The following STAR variants were observed in gnomAD, a reference collection of about 807,000 sequenced individuals.
STAR encodes steroidogenic acute regulatory protein.
STAR carries 32 observed loss-of-function variants against 32.3 expected under a neutral mutation model. The observed-to-expected ratio is 0.99, with a 90% CI of 0.75 to 1.33. STAR has a LOEUF of 1.33. STAR is among the 40% of genes most tolerant of loss of function. STAR has a pLI of 0.00. For synonymous variants in STAR, 134 were observed against 140.5 expected, an observed-to-expected ratio of 0.95 and a Z score of 0.33; for missense variants, 375 against 379.0, an observed-to-expected ratio of 0.99 and a Z score of 0.09.
chr8:38,145,715 A>G lies in STAR; in HGVS notation c.650+248T>C, dbSNP rs150336990. On this transcript the variant is annotated intron_variant, in intron 5 of 6. Transcript: ENST00000276449. Reference sequence around the variant, plus strand: ...ACCAGGTGAACCTCAGCCCTGCCCCATGCTTCAGAAAATTATTAAGGTTCT... The same window carrying G: ...ACCAGGTGAACCTCAGCCCTGCCCCGTGCTTCAGAAAATTATTAAGGTTCT... 141 of 598,254 alleles carry G rather than the reference A, an allele frequency of 2.4e-4. 1 individual carries two copies. The highest frequency in any genetic ancestry group is 2.3e-3 in the African/African-American group (126 of 53,932). The allele number at this position is 598,254 out of a possible 1,614,324, so 37.1% of individuals were successfully genotyped here.
At chr8:38,146,510 G>T in intron 3 of STAR, 63 bp from the exon 4 acceptor site, 1 of 1,570,466 alleles carries the variant, frequency 6.4e-7, no homozygotes, top group Non-Finnish European at 8.7e-7. Context: ...GGGCATGGTG[G>T]TTCACGCCTA....
chr8:38,148,411 C>G (rs937271301), intron 2 of STAR, 84 bp from the exon 3 acceptor site: 2 of 1,591,078 alleles, frequency 1.3e-6, no homozygotes, highest in African/African-American at 1.3e-5. Flanking sequence ...TGGGTCTGCT[C>G]ATTGCTCTGA....
Position 38,144,239 on chromosome 8 carries a change from C to T in STAR, c.*34G>A, listed in dbSNP as rs758536872. On this transcript the variant is annotated 3_prime_UTR_variant, in exon 7 of 7. Coordinates refer to ENST00000276449, the MANE Select transcript of STAR (RefSeq NM_000349.3). ...CTCCTGATGAGCGTGTGTACCAGTG[C>T]AGCTGGGCACAGTTGGGAACAGCAG... is the stretch of plus-strand genomic sequence containing the variant. The T allele has an allele frequency of 6.3e-6, 10 of 1,578,942 alleles. No individual in the cohort carries two copies. In the African/African-American group the frequency reaches 6.7e-5, roughly 11 times the overall value.
chr8:38,144,579 CTG>C, intron 6 of STAR, 193 bp from the exon 7 acceptor site: 1 of 1,431,012 alleles, frequency 7.0e-7, no homozygotes, highest in Non-Finnish European at 9.2e-7. Context: ...AAGCACAAGA[CTG>C]GCCAACAAGA....
intron 1 of STAR, 160 bp from the exon 2 acceptor site, chr8:38,148,914 G>T: frequency 1.5e-6 from 1 of 648,898 alleles, no homozygotes; most frequent in Non-Finnish European, 2.8e-6. Context: ...ACTAGAGCCA[G>T]GCCCTCAACT....
intron 6 of STAR, 21 bp downstream of exon 6, chr8:38,145,201 T>C (rs534530951): frequency 6.2e-7 from 1 of 1,613,558 alleles, no homozygotes; most frequent in Admixed American, 1.7e-5. Context: ...GCCTTCCAGG[T>C]CCCCCTCCCA....
In STAR at chr8:38,148,769, A is replaced by G. The variant is rs1488079957; in HGVS notation, c.65-15T>C. 6.2e-7 allele frequency: 1 copy of G among 1,607,930 alleles called. No individual in the cohort carries two copies. The highest frequency in any genetic ancestry group is 8.5e-7 in the Non-Finnish European group (1 of 1,176,280). On this transcript the variant is annotated splice_polypyrimidine_tract_variant and intron_variant, in intron 1 of 6. Coordinates refer to ENST00000276449, the MANE Select transcript of STAR (RefSeq NM_000349.3). Reference sequence around the variant, plus strand: ...TTGCCTCAGCCCTGCAGAAGGGAATAACCCTTGTCTAGGAGCTGGAAAGCC... The same window carrying G: ...TTGCCTCAGCCCTGCAGAAGGGAATGACCCTTGTCTAGGAGCTGGAAAGCC...
intron 3 of STAR, among the ~76,000 whole-genome samples, 175 bp from the exon 4 acceptor site, chr8:38,146,622 A>G (rs746645038): frequency 6.6e-6 from 1 of 152,080 alleles, no homozygotes; most frequent in Non-Finnish European, 1.5e-5. Context: ...CTAAAACTAC[A>G]AAATTAGCCA....
chr8:38,149,489 C>G lies in STAR; in HGVS notation c.65-735G>C, dbSNP rs551185911. 3.3e-5 allele frequency among the ~76,000 whole-genome samples: 5 copies of G among 152,240 alleles called. No homozygotes were observed. The East Asian group carries it at 7.7e-4, about 24-fold the overall frequency. ...TGGTTTCTGCCCCTTCCTGGCTATT[C>G]AATGATAATCAGTCTTCCGTCTTAT... On this transcript the variant is annotated intron_variant, in intron 1 of 6. Transcript: ENST00000276449.
rs16887217 is a variant in STAR at position 38,146,907 on chromosome 8, T to C, written c.307-460A>G. ...TGGAACTGTCCTAAGATAGAGTCGGTAATCATTGTTGCCATGGCCTTGTGC... is the reference window on the plus strand; with the variant it reads ...TGGAACTGTCCTAAGATAGAGTCGGCAATCATTGTTGCCATGGCCTTGTGC... On this transcript the variant is annotated intron_variant, in intron 3 of 6. Coordinates refer to ENST00000276449, the MANE Select transcript of STAR (RefSeq NM_000349.3). 0.011 allele frequency among the ~76,000 whole-genome samples: 1,737 copies of C among 151,822 alleles called. 124 individuals carry two copies. The East Asian group carries it at 0.15, about 13-fold the overall frequency.
chr8:38,144,581 G>A lies in STAR; in HGVS notation c.745-195C>T. On this transcript the variant is annotated intron_variant, in intron 6 of 6. Coordinates refer to ENST00000276449, the MANE Select transcript of STAR (RefSeq NM_000349.3). ...TCATGACTTTCAGAAGCACAAGACTGGCCAACAAGATGTTTCAGCCTGGTG... is the reference window on the plus strand; with the variant it reads ...TCATGACTTTCAGAAGCACAAGACTAGCCAACAAGATGTTTCAGCCTGGTG... 3 of 1,426,860 alleles carry A rather than the reference G, an allele frequency of 2.1e-6. No individual in the cohort carries two copies. The East Asian group carries it at 8.3e-5, about 39-fold the overall frequency. 88.4% of individuals were successfully genotyped at this position (1,426,860 alleles called of 1,614,324 possible). A position where few individuals can be genotyped will look rare whatever the true frequency, so the allele number is the denominator to read the frequency against.
intron 1 of STAR, among the ~76,000 whole-genome samples, 164 bp downstream of exon 1, chr8:38,150,591 T>C (rs1181671158): frequency 2.0e-5 from 3 of 152,118 alleles, no homozygotes; most frequent in East Asian, 3.9e-4. Context: ...TATATCTTAG[T>C]AACCAGCCCA....
chr8:38,150,707 C>A, intron 1 of STAR, 48 bp downstream of exon 1: 1 of 1,603,008 alleles, frequency 6.2e-7, no homozygotes, highest in South Asian at 1.1e-5. Context: ...GAGCCTCATC[C>A]GCTGAGAGCT....
intron 6 of STAR, chr8:38,144,989 A>G: frequency 1.5e-6 from 2 of 1,338,538 alleles, no homozygotes; most frequent in South Asian, 3.1e-5. Context: ...AGCCTGAGTG[A>G]CAGAATGAAA....
intron 6 of STAR, 79 bp downstream of exon 6, chr8:38,145,142 TC>T: frequency 1.2e-6 from 2 of 1,603,682 alleles, no homozygotes. Context: ...GAGGATTCTT[TC>T]TGCAGCATGG....
chr8:38,149,189 C>T (rs1802628116), intron 1 of STAR: 1 of 223,344 alleles, frequency 4.5e-6, no homozygotes, highest in Admixed American at 5.2e-5. Flanking sequence ...TTGCATGAAT[C>T]TGTGCTTCTG....
At position 38,146,033 on chromosome 8, in the gene STAR, C is replaced by G; in HGVS notation, c.580G>C (p.Gly194Arg). 6.2e-7 allele frequency: 1 copy of G among 1,614,240 alleles called. No individual in the cohort carries two copies. The highest frequency in any genetic ancestry group is 8.5e-7 in the Non-Finnish European group (1 of 1,180,044). Residue 194 changes from glycine to arginine, a missense_variant, in exon 5 of 7, where the codon GGC (glycine) becomes CGC (arginine). By Grantham distance (125) the Gly-to-Arg change is moderately radical. Coordinates refer to ENST00000276449, the MANE Select transcript of STAR (RefSeq NM_000349.3). The part of the protein sequence containing the change: ...FVSVRCAKRR[G>R]STCVLAGMAT... The stretch of plus-strand genomic sequence containing the variant: ...ATGCCAGCCAGCACACAGGTGGAGC[C>G]TCGGCGCTTGGCACAGCGCACGCTC...
chr8:38,143,480 G>C lies in STAR; in HGVS notation c.*793C>G, dbSNP rs1237105137. 1.3e-5 allele frequency among the ~76,000 whole-genome samples: 2 copies of C among 151,928 alleles called. No homozygotes were observed. The highest frequency in any genetic ancestry group is 2.9e-5 in the Non-Finnish European group (2 of 67,968). On this transcript the variant is annotated 3_prime_UTR_variant, in exon 7 of 7. Coordinates refer to ENST00000276449, the MANE Select transcript of STAR (RefSeq NM_000349.3). ...CGCCACCACACCCAGCTAATTTTTTGTATTTTAGTAGAGACGGGGTTTCAC... is the reference window on the plus strand; with the variant it reads ...CGCCACCACACCCAGCTAATTTTTTCTATTTTAGTAGAGACGGGGTTTCAC...
intron 1 of STAR, among the ~76,000 whole-genome samples, chr8:38,150,327 A>C (rs2466147): frequency 1.8e-4 from 27 of 151,730 alleles, no homozygotes; most frequent in African/African-American, 6.5e-4. Context: ...TGAGCCCATG[A>C]GTTTGAGGCT....
Sources: allele counts gnomAD v4.1 joint callset (sites outside exome capture counted in the v4.1 genomes callset), GRCh38; gene constraint gnomAD v4.1.1; transcripts MANE v1.5; gene names NCBI Gene and HGNC (gene_info 2026-07-23, HGNC 2026-07-21).